The following FOXO3 variants were observed in gnomAD, a reference collection of about 807,000 sequenced individuals.
FOXO3 encodes forkhead box protein O3.
In FOXO3, 4 loss-of-function variants were observed where a neutral mutation model predicts 41.9. The ratio of observed to expected loss-of-function variants is 0.10; its 90% CI spans 0.05 to 0.22. The LOEUF (loss-of-function observed/expected upper bound fraction) is 0.22, where lower values mean the gene tolerates loss of function less well. FOXO3 is among the 10% of genes least tolerant of loss of function. The pLI is 1.00. For missense variants in FOXO3, 534 were observed against 906.8 expected (o/e 0.59, Z 5.28); for synonymous variants, 318 against 389.3 (o/e 0.82, Z 2.16).
At chr6:108,609,787 G>A (rs1777308023) in intron 1 of FOXO3, among the ~76,000 whole-genome samples, 1 of 152,174 alleles carries the variant, frequency 6.6e-6, no homozygotes, top group Admixed American at 6.5e-5. Context: ...ACAGGTCTTT[G>A]AGTTGTAGTT....
At chr6:108,643,349 T>C (rs891203164) in intron 1 of FOXO3, among the ~76,000 whole-genome samples, 2 of 152,170 alleles carry the variant, frequency 1.3e-5, no homozygotes, top group Non-Finnish European at 2.9e-5. Context: ...ACCTGGGGAA[T>C]GAGGATGAGG....
At chr6:108,670,961 G>A (rs529141398) in intron 2 of FOXO3, among the ~76,000 whole-genome samples, 6 of 152,278 alleles carry the variant, frequency 3.9e-5, no homozygotes, top group Non-Finnish European at 7.4e-5. Flanking sequence ...TGGGCACAGG[G>A]GATAGAAGTG....
chr6:108,573,015 G>T (rs181065344), intron 1 of FOXO3, among the ~76,000 whole-genome samples: 5 of 152,218 alleles, frequency 3.3e-5, no homozygotes, highest in African/African-American at 1.2e-4. Context: ...TGGCCGGCGC[G>T]GTGGCTCACG....
chr6:108,567,237 A>G (rs1892492), intron 1 of FOXO3, among the ~76,000 whole-genome samples: 151,197 of 152,332 alleles, frequency 0.99, 75,044 homozygotes, highest in Middle Eastern at 1. Flanking sequence ...GCTTGGAGCT[A>G]GCCTTTAACT....
At chr6:108,655,850 C>G (rs1388253139) in intron 1 of FOXO3, among the ~76,000 whole-genome samples, 1 of 152,290 alleles carries the variant, frequency 6.6e-6, no homozygotes, top group South Asian at 2.1e-4. Context: ...TGTGGTTCAG[C>G]AGACGCGTAT....
At chr6:108,660,154 C>G (rs1778800804) in intron 1 of FOXO3, among the ~76,000 whole-genome samples, 1 of 152,080 alleles carries the variant, frequency 6.6e-6, no homozygotes, top group Non-Finnish European at 1.5e-5. Context: ...CACTTAGAAG[C>G]TTGAGTTTGT....
intron 2 of FOXO3, among the ~76,000 whole-genome samples, chr6:108,679,056 A>G (rs1244733567): frequency 1.3e-5 from 2 of 151,586 alleles, no homozygotes; most frequent in Non-Finnish European, 2.9e-5. Context: ...TATTTTTAGT[A>G]GAGACGGGGT....
chr6:108,581,911 C>T (rs1268337113), intron 1 of FOXO3, among the ~76,000 whole-genome samples: 2 of 152,080 alleles, frequency 1.3e-5, no homozygotes, highest in Admixed American at 6.5e-5. Context: ...TTTAAAAAAA[C>T]TTGGTTGTCT....
chr6:108,583,853 T>G (rs1250980622), intron 1 of FOXO3, among the ~76,000 whole-genome samples: 3 of 152,214 alleles, frequency 2.0e-5, no homozygotes, highest in African/African-American at 7.2e-5. Flanking sequence ...TGTGTGTGCT[T>G]TAAAGGTAAA....
intron 1 of FOXO3, among the ~76,000 whole-genome samples, chr6:108,635,044 A>G (rs1186050680): frequency 6.6e-6 from 1 of 151,968 alleles, no homozygotes; most frequent in African/African-American, 2.4e-5. Context: ...CACACCTGTA[A>G]TCCCAGCACT....
At chr6:108,580,019 G>A (rs964596158) in intron 1 of FOXO3, among the ~76,000 whole-genome samples, 1 of 152,030 alleles carries the variant, frequency 6.6e-6, no homozygotes, top group African/African-American at 2.4e-5. Flanking sequence ...GGCAAAAAGG[G>A]CTAAATCTTC....
chr6:108,600,719 G>A (rs750212940), intron 1 of FOXO3, among the ~76,000 whole-genome samples: 22 of 152,108 alleles, frequency 1.4e-4, no homozygotes, highest in Non-Finnish European at 2.9e-4. Context: ...TTAAAATCTG[G>A]TTTTCACTTA....
intron 1 of FOXO3, among the ~76,000 whole-genome samples, chr6:108,604,932 A>C (rs1035952309): frequency 3.9e-5 from 6 of 152,260 alleles, no homozygotes; most frequent in Non-Finnish European, 8.8e-5. Flanking sequence ...AAGGTATTTG[A>C]AGTCAAATGT....
At chr6:108,638,037 T>TTAAG (rs1778164247) in intron 1 of FOXO3, among the ~76,000 whole-genome samples, 1 of 152,186 alleles carries the variant, frequency 6.6e-6, no homozygotes, top group Admixed American at 6.5e-5. Context: ...GTCAAAATGG[T>TTAAG]TAAGTTAGGG....
intron 1 of FOXO3, among the ~76,000 whole-genome samples, chr6:108,585,346 A>G (rs925960387): frequency 7.0e-6 from 1 of 142,508 alleles, no homozygotes; most frequent in Non-Finnish European, 1.6e-5. Flanking sequence ...CCCGGCCTCT[A>G]TCTCCAAAAT....
intron 1 of FOXO3, among the ~76,000 whole-genome samples, chr6:108,654,155 G>C (rs930373419): frequency 2.6e-5 from 4 of 152,088 alleles, no homozygotes; most frequent in Non-Finnish European, 4.4e-5. Flanking sequence ...GATGCTGCAG[G>C]GAGTGGGTGT....
In FOXO3 at chr6:108,678,242, G is replaced by A. The variant is rs74924681; in HGVS notation, c.*35-1585G>A. 9.8e-5 allele frequency among the ~76,000 whole-genome samples: 15 copies of A among 152,300 alleles called. No individual in the cohort carries two copies. In the East Asian group the frequency reaches 2.7e-3, roughly 27 times the overall value. ...CCCTACGGTACAACCTCTAAAGGTG[G>A]GAGAAGCAGATGTATATAATGTGAT... On this transcript the variant is annotated intron_variant, in intron 2 of 2. Transcript: ENST00000406360.
chr6:108,629,112 T>A (rs879939682), intron 1 of FOXO3, among the ~76,000 whole-genome samples: 2 of 152,114 alleles, frequency 1.3e-5, no homozygotes, highest in Non-Finnish European at 2.9e-5. Flanking sequence ...GTATATTAAG[T>A]GCTTAGCATA....
At chr6:108,618,175 T>A in intron 1 of FOXO3, 2 of 999,236 alleles carry the variant, frequency 2.0e-6, no homozygotes, top group South Asian at 2.5e-5. Context: ...TACTAAGTGG[T>A]GTATGCCTCT....
Sources: allele counts gnomAD v4.1 joint callset (sites outside exome capture counted in the v4.1 genomes callset), GRCh38; gene constraint gnomAD v4.1.1; transcripts MANE v1.5; gene names NCBI Gene and HGNC (gene_info 2026-07-23, HGNC 2026-07-21).